DIP2C: variants seen among roughly 807,000 people sequenced by gnomAD.
The protein encoded by DIP2C is disco-interacting protein 2 homolog C.
Under a neutral mutation model 192.4 loss-of-function variants are expected in DIP2C, and 33 were observed. The observed-to-expected ratio is 0.17, with a 90% CI of 0.13 to 0.23. DIP2C has a LOEUF of 0.23. Ranked by LOEUF, DIP2C falls within the 10% of genes least tolerant of loss-of-function variation. DIP2C has a pLI of 1.00. For missense variants in DIP2C, 1,537 were observed against 2,110.1 expected (o/e 0.73, Z 5.32); for synonymous variants, 979 against 864.1 (o/e 1.13, Z -2.33).
At chr10:514,352 C>CCA (rs1846217209) in intron 1 of DIP2C, among the ~76,000 whole-genome samples, 1 of 152,184 alleles carries the variant, frequency 6.6e-6, no homozygotes, top group African/African-American at 2.4e-5. Context: ...ACAAATGCCC[C>CCA]CAGTTCGACG....
At chr10:454,023 A>G (rs11252518) in intron 3 of DIP2C, among the ~76,000 whole-genome samples, 24,468 of 152,220 alleles carry the variant, frequency 0.16, 5,081 homozygotes, top group African/African-American at 0.48. Context: ...AATTTGCAGG[A>G]CTCAGATCCA....
At position 288,105 on chromosome 10, in the gene DIP2C, G is replaced by A. The variant is rs746710867; in HGVS notation, c.4044+259C>T. Among the ~76,000 whole-genome samples the A allele has an allele frequency of 4.6e-5, 7 of 152,200 alleles. No individual in the cohort carries two copies. The East Asian group carries it at 5.8e-4, about 13-fold the overall frequency. On this transcript the variant is annotated intron_variant, in intron 33 of 36. Transcript: ENST00000280886. ...GCCCCTGGTAATTGGGCTCCAATGC[G>A]CAGAACGAGGCTGAAGGCACCAGGG...
intron 1 of DIP2C, among the ~76,000 whole-genome samples, chr10:568,741 G>A (rs1849588320): frequency 8.1e-6 from 1 of 122,890 alleles, no homozygotes; most frequent in Non-Finnish European, 1.6e-5. Flanking sequence ...GCTCCAGCCT[G>A]GGCGACAGAG....
chr10:418,940 T>C, intron 6 of DIP2C, 125 bp downstream of exon 6: 1 of 1,424,474 alleles, frequency 7.0e-7, no homozygotes, highest in African/African-American at 1.4e-5. Context: ...CCCGAAGATC[T>C]GATAAATTGG....
chr10:410,700 G>A (rs776350871), intron 8 of DIP2C, among the ~76,000 whole-genome samples: 1 of 152,192 alleles, frequency 6.6e-6, no homozygotes, highest in African/African-American at 2.4e-5. Context: ...CACCATTCTA[G>A]TTTGTGAAAG....
intron 2 of DIP2C, among the ~76,000 whole-genome samples, chr10:477,784 G>C (rs377113669): frequency 7.3e-6 from 1 of 136,912 alleles, no homozygotes; most frequent in Non-Finnish European, 1.6e-5. Context: ...AAGAAGGAGA[G>C]AGAAAGAAGG....
intron 35 of DIP2C, chr10:282,031 T>C (rs78794894): frequency 2.7e-3 from 416 of 152,730 alleles, no homozygotes; most frequent in Middle Eastern, 0.024. Flanking sequence ...CAGAGTTAAG[T>C]ATTTTCTCCC....
chr10:547,067 CCT>C (rs1848321957), intron 1 of DIP2C, among the ~76,000 whole-genome samples: 1 of 152,192 alleles, frequency 6.6e-6, no homozygotes, highest in African/African-American at 2.4e-5. Context: ...GCACTTGGTG[CCT>C]CTGAGCTAAG....
At chr10:493,925 C>T (rs892976978) in intron 1 of DIP2C, among the ~76,000 whole-genome samples, 4 of 152,230 alleles carry the variant, frequency 2.6e-5, no homozygotes, top group African/African-American at 7.2e-5. Context: ...GGCCCAGTGC[C>T]GCCGTCCTAC....
At chr10:377,141 G>GTTT (rs5782549) in intron 17 of DIP2C, among the ~76,000 whole-genome samples, 18 of 138,612 alleles carry the variant, frequency 1.3e-4, no homozygotes, top group East Asian at 2.1e-4. Context: ...GTGCAGCGCA[G>GTTT]TTTTTTTTTT....
At chr10:403,643 G>T in intron 9 of DIP2C, among the ~76,000 whole-genome samples, 1 of 130,220 alleles carries the variant, frequency 7.7e-6, no homozygotes, top group Non-Finnish European at 1.6e-5. Context: ...CTTCCTTATG[G>T]ACAAGTTTGG....
intron 17 of DIP2C, chr10:369,846 C>A: frequency 7.5e-7 from 1 of 1,327,808 alleles, no homozygotes; most frequent in Non-Finnish European, 1.0e-6. Context: ...CCTCTACATT[C>A]CCAGGGAATC....
chr10:517,327 C>T (rs561502153), intron 1 of DIP2C, among the ~76,000 whole-genome samples: 12 of 152,340 alleles, frequency 7.9e-5, no homozygotes, highest in Admixed American at 6.5e-4. Context: ...TGGTAGAACA[C>T]AGCCCTAATT....
intron 17 of DIP2C, among the ~76,000 whole-genome samples, chr10:379,186 G>GGCCCCCCCCCCC (rs1962066806): frequency 1.1e-4 from 1 of 9,114 alleles, no homozygotes; most frequent in Non-Finnish European, 2.2e-4. Flanking sequence ...CGAGTGCCAC[G>GGCCCCCCCCCCC]CCCCCCCCCC....
At position 632,866 on chromosome 10, in the gene DIP2C, G is replaced by A. The variant is rs1311877481; in HGVS notation, c.85+56628C>T. Among the ~76,000 whole-genome samples the A allele has an allele frequency of 8.5e-5, 10 of 118,302 alleles. 1 individual carries two copies. The highest frequency in any genetic ancestry group is 1.7e-4 in the Non-Finnish European group (10 of 58,620). 77.6% of individuals were successfully genotyped at this position (118,302 alleles called of 152,430 possible). A position where few individuals can be genotyped will look rare whatever the true frequency, so the allele number is the denominator to read the frequency against. On this transcript the variant is annotated intron_variant, in intron 1 of 36. Coordinates refer to ENST00000280886, the MANE Select transcript of DIP2C (RefSeq NM_014974.3). Reference sequence around the variant, plus strand: ...CCAGCACCGTAACTGGAGACCACGCGGGCACCGGTGTGAACCCAGACTCCA... The same window carrying A: ...CCAGCACCGTAACTGGAGACCACGCAGGCACCGGTGTGAACCCAGACTCCA...
chr10:373,149 C>T (rs1421386770), intron 17 of DIP2C, among the ~76,000 whole-genome samples: 4 of 152,226 alleles, frequency 2.6e-5, no homozygotes, highest in African/African-American at 4.8e-5. Flanking sequence ...CCTGAGTGCC[C>T]GCCCCTCCCT....
chr10:325,695 T>C (rs1458580077), intron 31 of DIP2C, among the ~76,000 whole-genome samples: 1 of 152,206 alleles, frequency 6.6e-6, no homozygotes, highest in African/African-American at 2.4e-5. Flanking sequence ...AACTTCAATA[T>C]TTTAAGAACT....
At chr10:281,636 C>A (rs904927484) in intron 35 of DIP2C, among the ~76,000 whole-genome samples, 1 of 152,232 alleles carries the variant, frequency 6.6e-6, no homozygotes, top group Non-Finnish European at 1.5e-5. Context: ...TCGGGAGCAA[C>A]TGAGGGGCGA....
intron 3 of DIP2C, among the ~76,000 whole-genome samples, chr10:443,373 A>G: frequency 6.6e-6 from 1 of 152,286 alleles, no homozygotes; most frequent in Non-Finnish European, 1.5e-5. Flanking sequence ...GTCATAATTC[A>G]TAATTATAAT....
Sources: gnomAD v4.1 joint callset for allele counts (sites outside exome capture counted in the v4.1 genomes callset) on GRCh38, gnomAD v4.1.1 for gene constraint, MANE v1.5 for transcripts, NCBI Gene and HGNC (gene_info 2026-07-23, HGNC 2026-07-21) for gene names.